Variants in ANKH observed in about 807,000 individuals in gnomAD.
ANKH encodes the protein mineralization regulator ANKH.
Under a neutral mutation model 49.0 loss-of-function variants are expected in ANKH, and 15 were observed. The observed-to-expected ratio is 0.31, with a 90% CI of 0.20 to 0.47. The LOEUF (loss-of-function observed/expected upper bound fraction) is 0.47, where lower values mean the gene tolerates loss of function less well. Ranked by LOEUF, ANKH falls within the 20% of genes least tolerant of loss-of-function variation. The pLI is 1.00. For missense variants in ANKH, 429 were observed against 652.0 expected, an observed-to-expected ratio of 0.66 and a Z score of 3.72; for synonymous variants, 273 against 260.0, an observed-to-expected ratio of 1.05 and a Z score of -0.48.
intron 1 of ANKH, among the ~76,000 whole-genome samples, chr5:14,799,312 GT>G (rs1740491733): frequency 6.6e-6 from 1 of 152,230 alleles, no homozygotes. Context: ...AAAGCAGCAA[GT>G]GCTTATGTAG....
At chr5:14,838,008 T>C (rs1190821511) in intron 1 of ANKH, among the ~76,000 whole-genome samples, 3 of 151,876 alleles carry the variant, frequency 2.0e-5, no homozygotes, top group Non-Finnish European at 2.9e-5. Context: ...CAAACTATCA[T>C]AATGATAGAA....
At chr5:14,829,850 T>C (rs1470138276) in intron 1 of ANKH, among the ~76,000 whole-genome samples, 1 of 152,238 alleles carries the variant, frequency 6.6e-6, no homozygotes, top group African/African-American at 2.4e-5. Flanking sequence ...TATAATCTCA[T>C]AACTGAATAA....
In ANKH at chr5:14,770,028, G is replaced by T. The variant is rs556790328; in HGVS notation, c.97-837C>A. On this transcript the variant is annotated intron_variant, in intron 1 of 11. Transcript: ENST00000284268. The surrounding 1 kb of genome is among the most constrained non-coding windows in gnomAD (Gnocchi z 4.1). ...CAGTAACAGCAGACCAGTGGGAATGGATGTCCAGGTAGAGAGAGCTTTCTG... is the reference window on the plus strand; with the variant it reads ...CAGTAACAGCAGACCAGTGGGAATGTATGTCCAGGTAGAGAGAGCTTTCTG... 2.0e-5 allele frequency among the ~76,000 whole-genome samples: 3 copies of T among 152,312 alleles called. No homozygotes were observed. In the South Asian group the frequency reaches 6.2e-4, roughly 32 times the overall value.
At chr5:14,858,665 G>A (rs922050951) in intron 1 of ANKH, among the ~76,000 whole-genome samples, 8 of 151,522 alleles carry the variant, frequency 5.3e-5, no homozygotes, top group Middle Eastern at 3.4e-3. Flanking sequence ...GCAGTGAGCC[G>A]AGATCGGGCC....
rs528804322 is a variant in ANKH at position 14,819,231 on chromosome 5, C to T, written c.97-50040G>A. On this transcript the variant is annotated intron_variant, in intron 1 of 11. Coordinates refer to ENST00000284268, the MANE Select transcript of ANKH (RefSeq NM_054027.6). ...AACACTGAAACTACCGTTTATTCTG[C>T]TGTCTCAACCTATTTCTTTTGCATA... 1.1e-4 allele frequency among the ~76,000 whole-genome samples: 16 copies of T among 152,352 alleles called. No individual in the cohort carries two copies. The East Asian group carries it at 2.7e-3, about 26-fold the overall frequency.
At chr5:14,749,788 G>A (rs887955053) in intron 5 of ANKH, among the ~76,000 whole-genome samples, 2 of 152,218 alleles carry the variant, frequency 1.3e-5, no homozygotes, top group African/African-American at 2.4e-5. Flanking sequence ...GACTACAGAG[G>A]TTCTTATTCT....
intron 8 of ANKH, among the ~76,000 whole-genome samples, chr5:14,721,287 G>T (rs1424147425): frequency 2.0e-5 from 3 of 152,176 alleles, no homozygotes; most frequent in Admixed American, 6.5e-5. Context: ...ATCTTGGTCT[G>T]TGCTGAGCAC....
intron 9 of ANKH, among the ~76,000 whole-genome samples, chr5:14,714,980 G>A (rs1027216102): frequency 6.6e-6 from 1 of 152,228 alleles, no homozygotes; most frequent in Non-Finnish European, 1.5e-5. Flanking sequence ...GGTTCGCCCT[G>A]TGTCTACCCA....
rs540101644 is a variant in ANKH, at chr5:14,711,088, CCAAAA to C, written c.*104_*108del. ...CTTTAAATCAAGGCCTCTTTCATTA[CCAAAA>C]CAAAACAAAAAAAAGGGAACAAAAT... On this transcript the variant is annotated 3_prime_UTR_variant, in exon 12 of 12. Transcript: ENST00000284268. The C allele has an allele frequency of 1.1e-4, 111 of 1,026,866 alleles. No individual in the cohort carries two copies. The highest frequency in any genetic ancestry group is 3.7e-4 in the South Asian group (29 of 79,446). The allele number at this position is 1,026,866 out of a possible 1,614,324, so 63.6% of individuals were successfully genotyped here. A position where few individuals can be genotyped will look rare whatever the true frequency, so the allele number is the denominator to read the frequency against.
At chr5:14,717,910 ATT>A (rs1231166000) in intron 8 of ANKH, among the ~76,000 whole-genome samples, 58 of 152,184 alleles carry the variant, frequency 3.8e-4, no homozygotes, top group African/African-American at 1.4e-3. Flanking sequence ...AGCATTTTGG[ATT>A]TTCGATTTTT....
At chr5:14,792,713 G>T (rs1320651465) in intron 1 of ANKH, among the ~76,000 whole-genome samples, 1 of 151,666 alleles carries the variant, frequency 6.6e-6, no homozygotes, top group Non-Finnish European at 1.5e-5. Flanking sequence ...GGTGGCTCAC[G>T]CCTGTAATCC....
intron 3 of ANKH, among the ~76,000 whole-genome samples, chr5:14,757,613 T>C (rs1324966670): frequency 1.3e-5 from 2 of 152,032 alleles, no homozygotes; most frequent in Non-Finnish European, 2.9e-5. Flanking sequence ...GTTCAACAGA[T>C]TCTTACTCTA....
In ANKH at chr5:14,871,451, C is replaced by A. The variant is rs78431233; in HGVS notation, c.-4G>T. 6.2e-7 allele frequency: 1 copy of A among 1,611,302 alleles called. No individual in the cohort carries two copies. The highest frequency in any genetic ancestry group is 8.5e-7 in the Non-Finnish European group (1 of 1,178,532). On this transcript the variant is annotated 5_prime_UTR_variant, in exon 1 of 12. Transcript: ENST00000284268. ...TGAGCGCCGGGAATTTCACCATAGT[C>A]CCCGCCGTGGGCTGACCCCACACAC...
chr5:14,711,918 C>A (rs1055497424), intron 11 of ANKH, among the ~76,000 whole-genome samples: 6 of 152,214 alleles, frequency 3.9e-5, no homozygotes, highest in African/African-American at 1.4e-4. Context: ...CACCAACAGG[C>A]CAAGGCAAGG....
At chr5:14,826,886 C>T (rs958019182) in intron 1 of ANKH, among the ~76,000 whole-genome samples, 1 of 152,212 alleles carries the variant, frequency 6.6e-6, no homozygotes, top group African/African-American at 2.4e-5. Flanking sequence ...GCGTTTCCCA[C>T]GTCCCTCTGC....
At position 14,728,728 on chromosome 5, in the gene ANKH, T is replaced by C. The variant is rs147025666; in HGVS notation, c.1012-11893A>G. On this transcript the variant is annotated intron_variant, in intron 8 of 11. Transcript: ENST00000284268. ...ATTCTCATGAACGGAATTTCTAACA[T>C]GGAACGCAGGGCCAGCCGGGCAAAG... is the stretch of plus-strand genomic sequence containing the variant. Among the ~76,000 whole-genome samples, 6 of 152,236 alleles carry C rather than the reference T, an allele frequency of 3.9e-5. No individual in the cohort carries two copies. In the East Asian group the frequency reaches 9.7e-4, roughly 25 times the overall value.
chr5:14,723,546 G>A (rs1368690696), intron 8 of ANKH, among the ~76,000 whole-genome samples: 3 of 152,056 alleles, frequency 2.0e-5, no homozygotes, highest in Non-Finnish European at 2.9e-5. Context: ...GGCTAAGGCG[G>A]GAGGACTGCT....
At chr5:14,800,953 T>G (rs567138155) in intron 1 of ANKH, among the ~76,000 whole-genome samples, 8 of 152,126 alleles carry the variant, frequency 5.3e-5, no homozygotes, top group Admixed American at 5.2e-4. Flanking sequence ...CTCAAACTCC[T>G]GGGCTCAAGC....
chr5:14,827,013 C>T (rs1055710181), intron 1 of ANKH, among the ~76,000 whole-genome samples: 1 of 152,176 alleles, frequency 6.6e-6, no homozygotes. Context: ...CCCTCACCTG[C>T]CAGCTACAGG....
Sources: allele counts gnomAD v4.1 joint callset (sites outside exome capture counted in the v4.1 genomes callset), GRCh38; gene constraint gnomAD v4.1.1; non-coding constraint Gnocchi (gnomAD v3.1); transcripts MANE v1.5; gene names NCBI Gene and HGNC (gene_info 2026-07-23, HGNC 2026-07-21).